Variants in SKAP1 observed in about 807,000 individuals in gnomAD.
SKAP1 encodes src kinase-associated phosphoprotein 1.
In SKAP1, 44 loss-of-function variants were observed where a neutral mutation model predicts 58.5. The ratio of observed to expected loss-of-function variants is 0.75; its 90% CI spans 0.59 to 0.97. The LOEUF (loss-of-function observed/expected upper bound fraction) is 0.97. SKAP1 is among the 50% of genes least tolerant of loss of function. The pLI is 0.00. For synonymous variants in SKAP1, 127 were observed against 149.7 expected, an observed-to-expected ratio of 0.85 and a Z score of 1.11; for missense variants, 390 against 435.2, an observed-to-expected ratio of 0.90 and a Z score of 0.92.
chr17:48,254,188 C>A (rs549114574), intron 4 of SKAP1, among the ~76,000 whole-genome samples: 1 of 152,224 alleles, frequency 6.6e-6, no homozygotes, highest in East Asian at 1.9e-4. Context: ...TCTCACTCGG[C>A]TATAAAAATA....
chr17:48,405,450 T>TTTCCTTTCTTTC (rs1441641292), intron 1 of SKAP1, among the ~76,000 whole-genome samples: 7 of 94,006 alleles, frequency 7.4e-5, no homozygotes, highest in South Asian at 4.1e-4. Context: ...TCTTTCTTTC[T>TTTCCTTTCTTTC]TTTCTTTCTT....
chr17:48,369,307 A>G (rs1003976037), intron 2 of SKAP1, among the ~76,000 whole-genome samples: 1 of 151,944 alleles, frequency 6.6e-6, no homozygotes, highest in Non-Finnish European at 1.5e-5. Context: ...CCTAGACAAC[A>G]TGGCAAAACC....
chr17:48,175,442 T>C (rs1249522494), intron 9 of SKAP1, among the ~76,000 whole-genome samples: 5 of 152,212 alleles, frequency 3.3e-5, no homozygotes, highest in Admixed American at 3.3e-4. Flanking sequence ...CACGGATGTA[T>C]AGCACCTCAT....
intron 9 of SKAP1, among the ~76,000 whole-genome samples, chr17:48,174,245 C>T (rs944027375): frequency 2.6e-5 from 4 of 152,216 alleles, no homozygotes; most frequent in African/African-American, 9.6e-5. Context: ...CCAATCCCCA[C>T]ATCTGTTTTA....
intron 4 of SKAP1, among the ~76,000 whole-genome samples, chr17:48,283,549 C>G (rs1382399029): frequency 6.6e-6 from 1 of 152,172 alleles, no homozygotes; most frequent in Non-Finnish European, 1.5e-5. Flanking sequence ...AACCATACAG[C>G]AGAGATCATA....
intron 4 of SKAP1, among the ~76,000 whole-genome samples, chr17:48,209,083 A>G (rs1168753785): frequency 6.6e-6 from 1 of 152,178 alleles, no homozygotes; most frequent in Non-Finnish European, 1.5e-5. Flanking sequence ...TGATGGAGAA[A>G]TTAAAGTGAC....
chr17:48,300,401 C>T (rs985964145), intron 4 of SKAP1, among the ~76,000 whole-genome samples: 8 of 152,086 alleles, frequency 5.3e-5, no homozygotes, highest in Non-Finnish European at 1.2e-4. Context: ...GAGAAGTTGC[C>T]TTGTAAAATG....
At chr17:48,176,055 G>C (rs2064285574) in intron 9 of SKAP1, among the ~76,000 whole-genome samples, 1 of 152,114 alleles carries the variant, frequency 6.6e-6, no homozygotes, top group African/African-American at 2.4e-5. Context: ...CAACTGTACA[G>C]GGGGAAAAAT....
intron 4 of SKAP1, among the ~76,000 whole-genome samples, chr17:48,226,180 C>T (rs1472125429): frequency 1.3e-5 from 2 of 152,170 alleles, no homozygotes; most frequent in African/African-American, 2.4e-5. Context: ...ACCCACCTGA[C>T]AGATGTGTGA....
chr17:48,205,005 C>CTTTCTT (rs2064785534), intron 4 of SKAP1, among the ~76,000 whole-genome samples: 1 of 37,966 alleles, frequency 2.6e-5, no homozygotes, highest in African/African-American at 1.2e-4. Flanking sequence ...TTCTTTCTTT[C>CTTTCTT]TTTCTTTCTT....
chr17:48,327,928 C>T (rs1449935941), intron 4 of SKAP1, among the ~76,000 whole-genome samples: 3 of 152,140 alleles, frequency 2.0e-5, no homozygotes, highest in Non-Finnish European at 4.4e-5. Flanking sequence ...CACTGTGCCC[C>T]GCCGTGCCTC....
intron 3 of SKAP1, among the ~76,000 whole-genome samples, chr17:48,362,478 T>C (rs757469808): frequency 1.3e-5 from 2 of 152,270 alleles, no homozygotes; most frequent in Non-Finnish European, 2.9e-5. Flanking sequence ...CCCTGAACTA[T>C]AGGGCCATCC....
intron 9 of SKAP1, among the ~76,000 whole-genome samples, chr17:48,173,399 T>C (rs1282327990): frequency 2.0e-5 from 3 of 152,174 alleles, no homozygotes; most frequent in East Asian, 3.8e-4. Flanking sequence ...AAATCAAATA[T>C]AGGAAACAGA....
intron 3 of SKAP1, among the ~76,000 whole-genome samples, chr17:48,358,709 G>A (rs117406647): frequency 0.035 from 5,371 of 152,086 alleles, 138 homozygotes; most frequent in Non-Finnish European, 0.054. Context: ...TACTTGCCTC[G>A]CCCTACTTTG....
intron 4 of SKAP1, among the ~76,000 whole-genome samples, chr17:48,316,718 C>A (rs1000876947): frequency 6.6e-6 from 1 of 152,150 alleles, no homozygotes; most frequent in Non-Finnish European, 1.5e-5. Flanking sequence ...AAGCAATTGG[C>A]AGACATTCCA....
At chr17:48,136,588 A>C (rs2144562162) in intron 12 of SKAP1, 1 of 152,404 alleles carries the variant, frequency 6.6e-6, no homozygotes, top group African/African-American at 2.4e-5. Context: ...CACAGAGAAG[A>C]ACAAAAAGAA....
At chr17:48,283,600 T>C (rs536267911) in intron 4 of SKAP1, among the ~76,000 whole-genome samples, 1 of 152,348 alleles carries the variant, frequency 6.6e-6, no homozygotes, top group East Asian at 1.9e-4. Context: ...TCACTCTAAC[T>C]ATAATCTAGC....
intron 2 of SKAP1, among the ~76,000 whole-genome samples, chr17:48,368,675 G>A (rs1030297043): frequency 6.6e-6 from 1 of 152,146 alleles, no homozygotes; most frequent in Non-Finnish European, 1.5e-5. Context: ...AAAATGATGA[G>A]TACAGAACGA....
At chr17:48,344,600 A>C (rs1268700818) in intron 4 of SKAP1, among the ~76,000 whole-genome samples, 2 of 152,204 alleles carry the variant, frequency 1.3e-5, no homozygotes, top group African/African-American at 4.8e-5. Context: ...TTGCACTGTT[A>C]ATTTTCTACA....
Sources: allele counts gnomAD v4.1 joint callset (sites outside exome capture counted in the v4.1 genomes callset), GRCh38; gene constraint gnomAD v4.1.1; transcripts MANE v1.5; gene names NCBI Gene and HGNC (gene_info 2026-07-23, HGNC 2026-07-21).